Variants in PTPRM observed in about 807,000 individuals in gnomAD.
PTPRM encodes protein tyrosine phosphatase receptor type M, also known as receptor-type tyrosine-protein phosphatase mu.
A neutral mutation model predicts 186.7 loss-of-function variants in PTPRM; 47 were observed. The ratio of observed to expected loss-of-function variants is 0.25; its 90% CI spans 0.20 to 0.32. PTPRM has a LOEUF of 0.32. Among genes scored for constraint, PTPRM ranks in the 10% least tolerant of loss-of-function variants. The probability of loss-of-function intolerance (pLI) is 1.00; values close to 1 mark genes in which losing one functional copy is unlikely to be tolerated. For missense variants in PTPRM, 1,494 were observed against 1,865.0 expected, an observed-to-expected ratio of 0.80 and a Z score of 3.66; for synonymous variants, 668 against 674.9, an observed-to-expected ratio of 0.99 and a Z score of 0.16.
At chr18:8,376,637 G>A in intron 26 of PTPRM, 40 bp downstream of exon 26, 1 of 1,585,774 alleles carries the variant, frequency 6.3e-7, no homozygotes, top group Non-Finnish European at 8.6e-7. Context: ...CTTGGTCCCT[G>A]GGCTCCCTCC....
intron 7 of PTPRM, among the ~76,000 whole-genome samples, chr18:8,059,193 G>T (rs1192156776): frequency 6.7e-6 from 1 of 148,946 alleles, no homozygotes; most frequent in African/African-American, 2.5e-5. Context: ...TGGATTCCTA[G>T]GTATTTTATT....
intron 14 of PTPRM, among the ~76,000 whole-genome samples, chr18:8,144,445 A>T (rs1477120025): frequency 6.6e-6 from 1 of 152,128 alleles, no homozygotes; most frequent in Non-Finnish European, 1.5e-5. Flanking sequence ...AACATGACAA[A>T]ACCCTGTCTC....
chr18:8,298,461 T>C (rs916635685), intron 20 of PTPRM, among the ~76,000 whole-genome samples: 3 of 152,188 alleles, frequency 2.0e-5, no homozygotes, highest in Admixed American at 2.0e-4. Context: ...TTGGGTATGC[T>C]GAGAGATCCA....
intron 2 of PTPRM, among the ~76,000 whole-genome samples, chr18:7,836,901 T>C (rs1002135411): frequency 1.3e-5 from 2 of 152,238 alleles, no homozygotes; most frequent in Non-Finnish European, 2.9e-5. Flanking sequence ...TTCTTTTTTC[T>C]TGCTGCTTTT....
chr18:7,801,732 C>T (rs560807424), intron 2 of PTPRM, among the ~76,000 whole-genome samples: 1 of 152,292 alleles, frequency 6.6e-6, no homozygotes, highest in African/African-American at 2.4e-5. Context: ...CTGCGTTGCA[C>T]TATGATAGGA....
At chr18:7,630,210 A>C (rs1209994811) in intron 1 of PTPRM, among the ~76,000 whole-genome samples, 1 of 152,122 alleles carries the variant, frequency 6.6e-6, no homozygotes, top group Non-Finnish European at 1.5e-5. Flanking sequence ...AGGGAGCAGG[A>C]AGAGTGTTAG....
At chr18:7,887,686 A>G (rs1315378642) in intron 2 of PTPRM, among the ~76,000 whole-genome samples, 1 of 152,232 alleles carries the variant, frequency 6.6e-6, no homozygotes, top group East Asian at 1.9e-4. Flanking sequence ...TGTGCTGCCC[A>G]GTGTGGTAGC....
At chr18:8,092,246 G>A (rs1334143586) in intron 11 of PTPRM, among the ~76,000 whole-genome samples, 2 of 152,194 alleles carry the variant, frequency 1.3e-5, no homozygotes, top group East Asian at 3.9e-4. Context: ...CAACACATCA[G>A]CTCTGTCACA....
rs890423438 is a variant in PTPRM at position 7,723,742 on chromosome 18, G to T, written c.74-50407G>T. Among the ~76,000 whole-genome samples, 4 of 152,298 alleles carry T rather than the reference G, an allele frequency of 2.6e-5. No homozygotes were observed. The East Asian group carries it at 5.8e-4, about 22-fold the overall frequency. On this transcript the variant is annotated intron_variant, in intron 1 of 32. Transcript: ENST00000580170. ...AGGCATGTTCCTTGCGCCACTTCCA[G>T]CGTTTCCCTTCGGGATTCTGAGACC...
chr18:8,099,614 A>G (rs576220502), intron 11 of PTPRM, among the ~76,000 whole-genome samples: 1 of 152,306 alleles, frequency 6.6e-6, no homozygotes, highest in Admixed American at 6.5e-5. Flanking sequence ...GGATGCATCA[A>G]AACTGTCTTT....
At chr18:7,834,358 AT>A (rs1349553243) in intron 2 of PTPRM, among the ~76,000 whole-genome samples, 2 of 149,650 alleles carry the variant, frequency 1.3e-5, no homozygotes, top group African/African-American at 4.9e-5. Flanking sequence ...TTGCTTCAAT[AT>A]TCATCAGAAA....
intron 2 of PTPRM, among the ~76,000 whole-genome samples, chr18:7,786,346 G>T (rs1019080035): frequency 2.0e-5 from 3 of 152,120 alleles, no homozygotes; most frequent in African/African-American, 2.4e-5. Flanking sequence ...CTTTTAGAGA[G>T]GGTGTCACTG....
intron 2 of PTPRM, among the ~76,000 whole-genome samples, chr18:7,876,073 A>G (rs1157012562): frequency 6.6e-6 from 1 of 152,036 alleles, no homozygotes; most frequent in Non-Finnish European, 1.5e-5. Flanking sequence ...GCAGTTGTGT[A>G]TATGGTCCAT....
chr18:7,693,454 A>G (rs902389429), intron 1 of PTPRM, among the ~76,000 whole-genome samples: 13 of 152,230 alleles, frequency 8.5e-5, no homozygotes, highest in African/African-American at 2.9e-4. Flanking sequence ...TGTTCCAGAA[A>G]TATGCAAAAG....
rs80127053 is a variant in PTPRM, at chr18:8,292,740, T to C, written c.2755-3628T>C. Among the ~76,000 whole-genome samples the C allele has an allele frequency of 2.2e-4, 34 of 152,344 alleles. No homozygotes were observed. The East Asian group carries it at 6.4e-3, about 29-fold the overall frequency. On this transcript the variant is annotated intron_variant, in intron 19 of 32. Transcript: ENST00000580170. ...CCATGCAATGAACACATATCATGTA[T>C]GAGAAGAAAAATTCCTGTTTTATAG...
intron 1 of PTPRM, among the ~76,000 whole-genome samples, chr18:7,603,708 T>C (rs538220603): frequency 6.6e-6 from 1 of 152,370 alleles, no homozygotes; most frequent in South Asian, 2.1e-4. Flanking sequence ...AACCTCCTGC[T>C]CTCCTGGTTC....
At chr18:7,768,934 C>G (rs1196388626) in intron 1 of PTPRM, among the ~76,000 whole-genome samples, 1 of 152,104 alleles carries the variant, frequency 6.6e-6, no homozygotes, top group Admixed American at 6.6e-5. Context: ...GTGTGAGCCA[C>G]AGTGCCTGGC....
chr18:7,749,806 T>C (rs936546845), intron 1 of PTPRM, among the ~76,000 whole-genome samples: 4 of 152,232 alleles, frequency 2.6e-5, no homozygotes, highest in African/African-American at 9.6e-5. Context: ...CAAAAATCTT[T>C]GCAGAAATCT....
intron 28 of PTPRM, among the ~76,000 whole-genome samples, chr18:8,379,776 A>G (rs1274173130): frequency 1.3e-5 from 2 of 152,224 alleles, no homozygotes; most frequent in African/African-American, 4.8e-5. Context: ...CAAAGAGTGA[A>G]TGGGTATGTT....
Sources: allele counts gnomAD v4.1 joint callset (sites outside exome capture counted in the v4.1 genomes callset), GRCh38; gene constraint gnomAD v4.1.1; transcripts MANE v1.5; gene names NCBI Gene and HGNC (gene_info 2026-07-23, HGNC 2026-07-21).